NLRP13: variants seen among roughly 807,000 people sequenced by gnomAD.
NLRP13 encodes the protein NACHT, LRR and PYD domains-containing protein 13.
A neutral mutation model predicts 94.4 loss-of-function variants in NLRP13; 82 were observed. The observed-to-expected ratio is 0.87, with a 90% CI of 0.73 to 1.04. The LOEUF is 1.04. Among genes scored for constraint, NLRP13 ranks in the 50% least tolerant of loss-of-function variants. The pLI is 0.00. For missense variants in NLRP13, 1,426 were observed against 1,230.8 expected (o/e 1.16, Z -2.37); for synonymous variants, 553 against 464.7 (o/e 1.19, Z -2.45).
At chr19:55,898,461 C>G (rs1415319431) in intron 10 of NLRP13, among the ~76,000 whole-genome samples, 1 of 151,886 alleles carries the variant, frequency 6.6e-6, no homozygotes, top group Non-Finnish European at 1.5e-5. Flanking sequence ...CCGCCCACCT[C>G]GACCTCCCCA....
rs1406979957 is a variant in NLRP13, at chr19:55,898,452, C to T, written c.2957+318G>A. Among the ~76,000 whole-genome samples the T allele has an allele frequency of 6.6e-5, 10 of 152,208 alleles. No homozygotes were observed. The East Asian group carries it at 9.7e-4, about 15-fold the overall frequency. On this transcript the variant is annotated intron_variant, in intron 10 of 10. Transcript: ENST00000342929. ...CTTGAGCTCCTGACCTCAGGTGATC[C>T]GCCCACCTCGACCTCCCCAAATGCT...
In NLRP13 at chr19:55,904,926, A is replaced by C; in HGVS notation, c.2618+16T>G. On this transcript the variant is annotated intron_variant, in intron 8 of 10. Transcript: ENST00000342929. ...CCATAGAGTCATATCTAGAAATGGA[A>C]GTAGGGAAAACTTACTCCAGTCTCT... The C allele has an allele frequency of 6.2e-7, 1 of 1,606,568 alleles. No individual in the cohort carries two copies. Among genetic ancestry groups the C allele is most frequent in the Non-Finnish European group, 8.5e-7 (1 of 1,173,980 alleles).
Position 55,912,260 on chromosome 19 carries a change from G to C in NLRP13, c.1557C>G (p.Phe519Leu), listed in dbSNP as rs200104443. ...AGTCATTGATCTTTTGAAGAATATT[G>C]AACTCGTAGAGAGAATCAATGAAAG... ...EVPFIDSLYE[F>L]NILQKINDCG... The change falls in exon 5 of 11, where the codon TTC becomes TTG. Residue 519 changes from phenylalanine (F) to leucine (L), a missense_variant. Coordinates refer to ENST00000342929, the MANE Select transcript of NLRP13 (RefSeq NM_176810.2). 1.3e-4 allele frequency: 212 copies of C among 1,614,054 alleles called. No homozygotes were observed. The highest frequency in any genetic ancestry group is 1.6e-4 in the Middle Eastern group (1 of 6,062).
chr19:55,900,686 G>A (rs983570786), intron 9 of NLRP13, among the ~76,000 whole-genome samples: 2 of 150,536 alleles, frequency 1.3e-5, no homozygotes, highest in African/African-American at 4.9e-5. Context: ...TGAGACAGGA[G>A]AATGACGTGA....
intron 8 of NLRP13, among the ~76,000 whole-genome samples, chr19:55,904,636 A>G (rs750285558): frequency 1.3e-5 from 2 of 152,140 alleles, no homozygotes; most frequent in Non-Finnish European, 2.9e-5. Context: ...AATCTGTCAT[A>G]TCTACCACCC....
downstream of NLRP13, chr19:55,895,859 C>A: frequency 6.9e-7 from 1 of 1,450,040 alleles, no homozygotes; most frequent in South Asian, 1.3e-5. Flanking sequence ...AAGCCGAGTG[C>A]AATGGAAACC....
At chr19:55,926,277 G>C (rs1169606893) in intron 1 of NLRP13, among the ~76,000 whole-genome samples, 6 of 152,140 alleles carry the variant, frequency 3.9e-5, no homozygotes, top group Non-Finnish European at 5.9e-5. Flanking sequence ...AGAAAAGCCA[G>C]GCTATTCCAG....
chr19:55,894,145 G>A (rs112293854), downstream of NLRP13, among the ~76,000 whole-genome samples: 3,938 of 148,992 alleles, frequency 0.026, 164 homozygotes, highest in African/African-American at 0.086. Context: ...GGTTCAGGCA[G>A]TCTTCCCACC....
intron 1 of NLRP13, among the ~76,000 whole-genome samples, chr19:55,929,834 A>G (rs572680855): frequency 4.7e-4 from 71 of 152,364 alleles, no homozygotes; most frequent in Non-Finnish European, 7.1e-4. Flanking sequence ...AATGCAATAC[A>G]AAGCATGCAA....
intron 4 of NLRP13, among the ~76,000 whole-genome samples, chr19:55,920,646 A>G (rs1359524391): frequency 6.6e-6 from 1 of 152,286 alleles, no homozygotes; most frequent in South Asian, 2.1e-4. Flanking sequence ...ACACTTGTAC[A>G]CTGTTGGTGT....
At chr19:55,923,862 C>T in intron 4 of NLRP13, 52 bp downstream of exon 4, 1 of 1,366,252 alleles carries the variant, frequency 7.3e-7, no homozygotes. Flanking sequence ...CCTAGTGAAA[C>T]CAATGCTCGT....
rs773817963 is a variant in NLRP13 at position 55,932,163 on chromosome 19, C to G, written c.149G>C (p.Gly50Ala). Residue 50 changes from glycine to alanine, a missense_variant, in exon 1 of 11, where the codon GGG (glycine) becomes GCG (alanine). Transcript: ENST00000342929. ...QLMDFWSAPQ[G>A]HFPRIPWANL... Reference sequence around the variant, plus strand: ...TGCCCAGGGGATACGCGGGAAGTGCCCCTGGGGGGCCGACCAGAAGTCCAT... The same window carrying G: ...TGCCCAGGGGATACGCGGGAAGTGCGCCTGGGGGGCCGACCAGAAGTCCAT... The G allele has an allele frequency of 6.2e-7, 1 of 1,614,092 alleles. No homozygotes were observed. The highest frequency in any genetic ancestry group is 1.1e-5 in the South Asian group (1 of 91,082).
intron 4 of NLRP13, among the ~76,000 whole-genome samples, chr19:55,923,320 T>C (rs1288488561): frequency 6.6e-6 from 1 of 152,078 alleles, no homozygotes; most frequent in Non-Finnish European, 1.5e-5. Context: ...GCAAACTTTC[T>C]TGGAAGGCTG....
chr19:55,920,953 A>G (rs535284560), intron 4 of NLRP13, among the ~76,000 whole-genome samples: 38 of 152,312 alleles, frequency 2.5e-4, no homozygotes, highest in African/African-American at 8.2e-4. Flanking sequence ...AAAAGATAAT[A>G]TATCTTACAG....
chr19:55,923,829 G>C (rs1450112952), intron 4 of NLRP13, 85 bp downstream of exon 4: 1 of 938,028 alleles, frequency 1.1e-6, no homozygotes, highest in African/African-American at 1.6e-5. Flanking sequence ...GAAAATGTCA[G>C]TATGAGGCAA....
intron 1 of NLRP13, among the ~76,000 whole-genome samples, chr19:55,927,488 C>T (rs1478874450): frequency 6.6e-6 from 1 of 151,400 alleles, no homozygotes; most frequent in Non-Finnish European, 1.5e-5. Flanking sequence ...TTCTGGACTT[C>T]CATTTGTACA....
In NLRP13 at chr19:55,912,700, C is replaced by T. The variant is rs1050512532; in HGVS notation, c.1117G>A (p.Ala373Thr). The change falls in exon 5 of 11, where the codon GCC (alanine) becomes ACC (threonine). Residue 373 changes from alanine to threonine, a missense_variant. By Grantham distance (58) the Ala-to-Thr change is moderately conservative. Transcript: ENST00000342929. ...IKTWFVRDLK[A>T]SLVNPCFVQI... ...ACAAAGCATGGATTCACTAATGAGG[C>T]CTTAAGATCTCTCACAAACCAGGTC... 10 of 1,614,022 alleles carry T rather than the reference C, an allele frequency of 6.2e-6. No homozygotes were observed. The highest frequency in any genetic ancestry group is 8.5e-6 in the Non-Finnish European group (10 of 1,180,034).
In NLRP13 at chr19:55,907,867, G is replaced by A; in HGVS notation, c.2372C>T (p.Ser791Phe). 6.2e-7 allele frequency: 1 copy of A among 1,613,818 alleles called. No individual in the cohort carries two copies. Among genetic ancestry groups the A allele is most frequent in the Non-Finnish European group, 8.5e-7 (1 of 1,179,848 alleles). ...NSKLTHLNFS[S>F]NKLGMTVPLI... is the part of the protein sequence containing the mutation. ...GGGGACAGTCATTCCCAGCTTGTTA[G>A]AGCTGAAGTTCAGATGGGTCAGCTT... Residue 791 changes from serine to phenylalanine, a missense_variant, in exon 7 of 11, where the codon TCT (serine) becomes TTT (phenylalanine). Physicochemically the swap from Ser to Phe is radical, Grantham distance 155. Coordinates refer to ENST00000342929, the MANE Select transcript of NLRP13 (RefSeq NM_176810.2).
intron 7 of NLRP13, among the ~76,000 whole-genome samples, chr19:55,906,171 G>C: frequency 6.6e-6 from 1 of 151,660 alleles, no homozygotes; most frequent in East Asian, 1.9e-4. Context: ...AACCCCATCT[G>C]TACTAAAATT....
Sources: allele counts gnomAD v4.1 joint callset (sites outside exome capture counted in the v4.1 genomes callset), GRCh38; gene constraint gnomAD v4.1.1; transcripts MANE v1.5; gene names NCBI Gene and HGNC (gene_info 2026-07-23, HGNC 2026-07-21).